The following TAF3 variants were observed in gnomAD, a reference collection of about 807,000 sequenced individuals.
The protein encoded by TAF3 is transcription initiation factor TFIID subunit 3.
In TAF3, 7 loss-of-function variants were observed where a neutral mutation model predicts 80.6. That is an observed-to-expected ratio of 0.09 (90% CI 0.05 to 0.16). TAF3 has a LOEUF of 0.16. Among genes scored for constraint, TAF3 ranks in the 10% least tolerant of loss-of-function variants. The pLI is 1.00. For synonymous variants in TAF3, 444 were observed against 446.1 expected (o/e 1.00, Z 0.06); for missense variants, 921 against 1,140.2 (o/e 0.81, Z 2.77).
At chr10:7,882,546 C>T (rs998644900) in intron 2 of TAF3, among the ~76,000 whole-genome samples, 15 of 152,144 alleles carry the variant, frequency 9.9e-5, no homozygotes, top group African/African-American at 3.6e-4. Context: ...AGGGAAATAA[C>T]ATTGTAACCA....
chr10:7,977,511 T>C (rs1392267435), intron 4 of TAF3, among the ~76,000 whole-genome samples, 188 bp downstream of exon 4: 4 of 151,584 alleles, frequency 2.6e-5, no homozygotes, highest in Admixed American at 2.6e-4. Flanking sequence ...TTTTGCTTTA[T>C]TTGACGTAAA....
At chr10:7,838,044 C>G (rs1171123162) in intron 2 of TAF3, among the ~76,000 whole-genome samples, 2 of 152,144 alleles carry the variant, frequency 1.3e-5, no homozygotes, top group African/African-American at 4.8e-5. Context: ...GAAACAGGTC[C>G]TAAAGGCAGA....
chr10:8,013,435 C>T (rs1051515526), intron 5 of TAF3, among the ~76,000 whole-genome samples: 1 of 151,894 alleles, frequency 6.6e-6, no homozygotes, highest in African/African-American at 2.4e-5. Context: ...AAAGGGGTTA[C>T]AGGTCATATT....
At chr10:7,988,936 T>C (rs547066177) in intron 4 of TAF3, among the ~76,000 whole-genome samples, 8 of 152,146 alleles carry the variant, frequency 5.3e-5, no homozygotes, top group Non-Finnish European at 8.8e-5. Context: ...AATATCACAG[T>C]AAAAATTTTT....
At chr10:8,001,934 G>T (rs186277561) in intron 4 of TAF3, among the ~76,000 whole-genome samples, 1 of 151,980 alleles carries the variant, frequency 6.6e-6, no homozygotes, top group South Asian at 2.1e-4. Context: ...TATAACAGCC[G>T]GCAAACAGTA....
intron 2 of TAF3, among the ~76,000 whole-genome samples, chr10:7,931,123 T>A (rs1411137871): frequency 6.6e-6 from 1 of 152,230 alleles, no homozygotes; most frequent in Non-Finnish European, 1.5e-5. Context: ...TTAGATATTA[T>A]ACTTGATTAA....
rs116306249 is a variant in TAF3, at chr10:7,921,862, A to G, written c.410-42058A>G. ...ATGATTTTTCTTTTCTAATTCTGAC[A>G]TTGTCATATGATCAAAAGCTTAAAT... On this transcript the variant is annotated intron_variant, in intron 2 of 6. Transcript: ENST00000344293. Among the ~76,000 whole-genome samples, 664 of 152,230 alleles carry G rather than the reference A, an allele frequency of 4.4e-3. 4 individuals are homozygous for G. The highest frequency in any genetic ancestry group is 0.015 in the African/African-American group (641 of 41,576).
At chr10:7,851,035 C>T (rs890799093) in intron 2 of TAF3, among the ~76,000 whole-genome samples, 5 of 152,040 alleles carry the variant, frequency 3.3e-5, no homozygotes, top group Admixed American at 1.3e-4. Flanking sequence ...TTTACACTTC[C>T]ATGGATGGAA....
intron 4 of TAF3, among the ~76,000 whole-genome samples, chr10:8,007,562 T>TTATATA (rs34833399): frequency 7.9e-4 from 48 of 60,516 alleles, no homozygotes; most frequent in East Asian, 1.5e-3. Context: ...GTGTGTGAAA[T>TTATATA]TATATATATA....
At chr10:7,820,833 C>T (rs1167529646) in intron 1 of TAF3, among the ~76,000 whole-genome samples, 3 of 152,184 alleles carry the variant, frequency 2.0e-5, no homozygotes, top group Non-Finnish European at 4.4e-5. Flanking sequence ...AAGTAATATG[C>T]GTGCATTTTT....
At chr10:7,925,368 G>A (rs1837804728) in intron 2 of TAF3, among the ~76,000 whole-genome samples, 1 of 152,232 alleles carries the variant, frequency 6.6e-6, no homozygotes, top group Admixed American at 6.5e-5. Flanking sequence ...TGGCTTAGTT[G>A]TAGGCAACAA....
chr10:7,963,908 T>C lies in TAF3; in HGVS notation c.410-12T>C. ...ATATTTATTTTTTTCTTCCTTTTTC[T>C]TCCTTTACCAGAAGAAGAAGAAGAG... On this transcript the variant is annotated splice_polypyrimidine_tract_variant and intron_variant, in intron 2 of 6. Transcript: ENST00000344293. 2.0e-6 allele frequency: 3 copies of C among 1,531,156 alleles called. No homozygotes were observed. The highest frequency in any genetic ancestry group is 2.7e-5 in the South Asian group (2 of 75,300). 94.8% of individuals were successfully genotyped at this position (1,531,156 alleles called of 1,614,324 possible). A position where few individuals can be genotyped will look rare whatever the true frequency, so the allele number is the denominator to read the frequency against.
At position 7,824,514 on chromosome 10, in the gene TAF3, A is replaced by G; in HGVS notation, c.363A>G (p.Lys121=). ...QPGSKDAEER[K]EYIPDYLPPI... is the part of the protein sequence containing the mutation. ...GAAGTAAAGATGCAGAGGAAAGAAA[A>G]GAATACATTCCTGATTACCTGCCAC... The change falls in exon 2 of 7, where the codon AAA becomes AAG. Residue 121 remains lysine, a synonymous_variant. Transcript: ENST00000344293. The G allele has an allele frequency of 1.2e-6, 2 of 1,614,192 alleles. No individual in the cohort carries two copies. The highest frequency in any genetic ancestry group is 1.7e-6 in the Non-Finnish European group (2 of 1,180,024).
intron 4 of TAF3, among the ~76,000 whole-genome samples, chr10:7,980,984 T>C (rs1831720582): frequency 6.6e-6 from 1 of 152,094 alleles, no homozygotes; most frequent in African/African-American, 2.4e-5. Flanking sequence ...AGCAAGGTAA[T>C]GTGATGGATT....
rs1837331782 is a variant in TAF3 at position 7,878,682 on chromosome 10, AT to A, written c.409+54124del. On this transcript the variant is annotated intron_variant, in intron 2 of 6. Coordinates refer to ENST00000344293, the MANE Select transcript of TAF3 (RefSeq NM_031923.4). ...TCCCTCTCTAGATGCACTATAATTA[AT>A]TCAACCAATGTATGTATGTATGTAT... is the stretch of plus-strand genomic sequence containing the variant. Among the ~76,000 whole-genome samples the A allele has an allele frequency of 3.4e-5, 5 of 149,052 alleles. No individual in the cohort carries two copies. In the South Asian group the frequency reaches 1.1e-3, roughly 33 times the overall value.
intron 2 of TAF3, among the ~76,000 whole-genome samples, chr10:7,914,376 A>G (rs190371863): frequency 7.9e-4 from 120 of 152,304 alleles, no homozygotes; most frequent in African/African-American, 2.6e-3. Flanking sequence ...TCCCCCTCCT[A>G]TTTCAATCAT....
At chr10:7,887,981 A>G (rs1474696269) in intron 2 of TAF3, among the ~76,000 whole-genome samples, 1 of 152,052 alleles carries the variant, frequency 6.6e-6, no homozygotes, top group Non-Finnish European at 1.5e-5. Flanking sequence ...TTGAATTCAT[A>G]TTTAAAGTGC....
chr10:7,911,784 A>C (rs903619485), intron 2 of TAF3, among the ~76,000 whole-genome samples: 1 of 152,220 alleles, frequency 6.6e-6, no homozygotes, highest in Non-Finnish European at 1.5e-5. Context: ...AAATTTGAAG[A>C]TTTGGGAACA....
chr10:7,818,975 C>G (rs1836660652), intron 1 of TAF3, 100 bp downstream of exon 1: 1 of 1,186,280 alleles, frequency 8.4e-7, no homozygotes, highest in African/African-American at 1.6e-5. Flanking sequence ...GCATCCCGCA[C>G]CCCGCCTCGA....
Sources: gnomAD v4.1 joint callset for allele counts (sites outside exome capture counted in the v4.1 genomes callset) on GRCh38, gnomAD v4.1.1 for gene constraint, MANE v1.5 for transcripts, NCBI Gene and HGNC (gene_info 2026-07-23, HGNC 2026-07-21) for gene names.